Variants in ADAM32 observed in about 807,000 individuals in gnomAD.
The protein encoded by ADAM32 is disintegrin and metalloproteinase domain-containing protein 32.
In ADAM32, 89 loss-of-function variants were observed where a neutral mutation model predicts 114.9. The ratio of observed to expected loss-of-function variants is 0.77; its 90% CI spans 0.65 to 0.92. ADAM32 has a LOEUF of 0.92. Ranked by LOEUF, ADAM32 falls within the 40% of genes least tolerant of loss-of-function variation. ADAM32 has a pLI of 0.00. For missense variants in ADAM32, 870 were observed against 932.8 expected, an observed-to-expected ratio of 0.93 and a Z score of 0.88; for synonymous variants, 285 against 307.5, an observed-to-expected ratio of 0.93 and a Z score of 0.77.
At chr8:39,214,867 A>G (rs1808459007) in intron 12 of ADAM32, among the ~76,000 whole-genome samples, 1 of 152,108 alleles carries the variant, frequency 6.6e-6, no homozygotes, top group Non-Finnish European at 1.5e-5. Flanking sequence ...ATTTTTGTAT[A>G]TGGTGAGAGG....
chr8:39,235,100 A>G (rs2129449510), intron 16 of ADAM32, among the ~76,000 whole-genome samples: 3 of 152,272 alleles, frequency 2.0e-5, no homozygotes, highest in Admixed American at 2.0e-4. Context: ...AGGATCTGTA[A>G]ATAATAAATC....
intron 11 of ADAM32, among the ~76,000 whole-genome samples, chr8:39,188,584 C>A (rs967836874): frequency 6.6e-6 from 1 of 152,086 alleles, no homozygotes; most frequent in African/African-American, 2.4e-5. Context: ...CCATTCCAAG[C>A]ACTTTACATA....
At chr8:39,211,552 G>C (rs552818086) in intron 12 of ADAM32, among the ~76,000 whole-genome samples, 1 of 152,258 alleles carries the variant, frequency 6.6e-6, no homozygotes, top group African/African-American at 2.4e-5. Context: ...GGAAACAGGA[G>C]AGTCTAGAAT....
chr8:39,248,635 A>T (rs1335325456), intron 17 of ADAM32, among the ~76,000 whole-genome samples: 1 of 152,180 alleles, frequency 6.6e-6, no homozygotes, highest in Non-Finnish European at 1.5e-5. Context: ...ATATGAACAA[A>T]GACAGTTTTA....
chr8:39,232,333 C>T (rs750179158), intron 15 of ADAM32, among the ~76,000 whole-genome samples, 198 bp downstream of exon 15: 2 of 152,070 alleles, frequency 1.3e-5, no homozygotes, highest in African/African-American at 2.4e-5. Context: ...AACATTTATA[C>T]GTGAATGGCC....
chr8:39,130,956 C>CTTTTTTTTTTTTTTTTTTTTTTTTTT, intron 2 of ADAM32: 1 of 284,504 alleles, frequency 3.5e-6, no homozygotes, highest in Non-Finnish European at 6.7e-6. Flanking sequence ...AGGAGGATGT[C>CTTTTTTTTTTTTTTTTTTTTTTTTTT]TTTTTTTTTT....
chr8:39,185,783 T>C (rs1487967176), intron 10 of ADAM32, among the ~76,000 whole-genome samples: 2 of 152,218 alleles, frequency 1.3e-5, no homozygotes, highest in African/African-American at 2.4e-5. Context: ...AGTACATTGA[T>C]ACTTCTCCTT....
intron 6 of ADAM32, among the ~76,000 whole-genome samples, chr8:39,154,346 A>G (rs1417388089): frequency 1.3e-5 from 2 of 152,118 alleles, no homozygotes; most frequent in Non-Finnish European, 2.9e-5. Context: ...AGCTTTATCC[A>G]TGTCCCTGCA....
intron 10 of ADAM32, among the ~76,000 whole-genome samples, chr8:39,179,003 G>A (rs910095398): frequency 3.9e-5 from 6 of 152,248 alleles, no homozygotes; most frequent in African/African-American, 1.4e-4. Flanking sequence ...GGAGGAATGG[G>A]ATCATCAGGG....
At chr8:39,166,888 G>GT (rs150355169) in intron 9 of ADAM32, 2 of 151,898 alleles carry the variant, frequency 1.3e-5, no homozygotes, top group Non-Finnish European at 2.9e-5. Context: ...GGGATTGTTT[G>GT]TTTTTTTCTT....
intron 2 of ADAM32, among the ~76,000 whole-genome samples, chr8:39,134,549 G>T: frequency 6.6e-6 from 1 of 152,038 alleles, no homozygotes; most frequent in East Asian, 1.9e-4. Context: ...CTCTCTCCTA[G>T]ATTCTCTGTT....
chr8:39,179,253 T>A (rs1265270931), intron 10 of ADAM32, among the ~76,000 whole-genome samples: 10 of 152,160 alleles, frequency 6.6e-5, no homozygotes, highest in Admixed American at 3.9e-4. Context: ...AATGGCCAAC[T>A]TGAAGCACAG....
Position 39,221,521 on chromosome 8 carries a change from A to C in ADAM32, c.1234-89A>C, listed in dbSNP as rs577658635. On this transcript the variant is annotated intron_variant, in intron 12 of 24. Coordinates refer to ENST00000379907, the MANE Select transcript of ADAM32 (RefSeq NM_145004.7). ...AGCATTCATATCCTTTTCCAAATTC[A>C]AACAGTAAGCCCATCAAAATATAAC... is the stretch of plus-strand genomic sequence containing the variant. 9 of 1,010,162 alleles carry C rather than the reference A, an allele frequency of 8.9e-6. No homozygotes were observed. In the African/African-American group the frequency reaches 1.5e-4, roughly 16 times the overall value. The allele number at this position is 1,010,162 out of a possible 1,614,324, so 62.6% of individuals were successfully genotyped here.
intron 12 of ADAM32, among the ~76,000 whole-genome samples, chr8:39,216,718 A>G (rs372094833): frequency 2.6e-5 from 4 of 152,196 alleles, no homozygotes; most frequent in African/African-American, 9.6e-5. Context: ...AACAAGCAAA[A>G]AGAAGGCTAA....
intron 20 of ADAM32, among the ~76,000 whole-genome samples, chr8:39,271,957 C>T (rs2129451358): frequency 6.6e-6 from 1 of 151,258 alleles, no homozygotes; most frequent in African/African-American, 2.4e-5. Flanking sequence ...GTGTGAGGAG[C>T]ACCTGAAAAA....
chr8:39,242,454 G>GACTT (rs1477364553), intron 16 of ADAM32, among the ~76,000 whole-genome samples: 3 of 152,276 alleles, frequency 2.0e-5, no homozygotes, highest in African/African-American at 7.2e-5. Flanking sequence ...AAGTTTAATG[G>GACTT]ACTTACAGTT....
intron 11 of ADAM32, among the ~76,000 whole-genome samples, chr8:39,190,100 A>T (rs1025047748): frequency 2.6e-5 from 4 of 152,230 alleles, no homozygotes; most frequent in East Asian, 1.9e-4. Flanking sequence ...CTATATCTTT[A>T]TGAGTTAAAC....
In ADAM32 at chr8:39,117,445, CT is replaced by C. The variant is rs796176707; in HGVS notation, c.59-630del. On this transcript the variant is annotated intron_variant, in intron 1 of 24. Transcript: ENST00000379907. The stretch of plus-strand genomic sequence containing the variant: ...GACTTTTGTGGTAGACACATGTGAA[CT>C]TTTTTTTTTTGAGTTTTGCTTGTAA... Among the ~76,000 whole-genome samples the C allele has an allele frequency of 1.9e-3, 271 of 146,150 alleles. 2 individuals are homozygous for C. The highest frequency in any genetic ancestry group is 5.2e-3 in the African/African-American group (208 of 40,140).
At chr8:39,217,945 G>T (rs1808701918) in intron 12 of ADAM32, among the ~76,000 whole-genome samples, 1 of 152,120 alleles carries the variant, frequency 6.6e-6, no homozygotes, top group Non-Finnish European at 1.5e-5. Context: ...TGGTTTCTGG[G>T]CATTGAAGAG....
Sources: allele counts gnomAD v4.1 joint callset (sites outside exome capture counted in the v4.1 genomes callset), GRCh38; gene constraint gnomAD v4.1.1; transcripts MANE v1.5; gene names NCBI Gene and HGNC (gene_info 2026-07-23, HGNC 2026-07-21).